PTPRD: variants seen among roughly 807,000 people sequenced by gnomAD.
The protein encoded by PTPRD is receptor-type tyrosine-protein phosphatase delta.
Under a neutral mutation model 214.5 loss-of-function variants are expected in PTPRD, and 34 were observed. That is an observed-to-expected ratio of 0.16 (90% confidence interval 0.12 to 0.21). The LOEUF (loss-of-function observed/expected upper bound fraction) is 0.21. Among genes scored for constraint, PTPRD ranks in the 10% least tolerant of loss-of-function variants. The pLI is 1.00. For missense variants in PTPRD, 2,545 were observed against 2,398.7 expected (o/e 1.06, Z -1.27); for synonymous variants, 1,128 against 845.7 (o/e 1.33, Z -5.79).
At chr9:9,945,032 G>A (rs899332871) in intron 4 of PTPRD, among the ~76,000 whole-genome samples, 2 of 152,120 alleles carry the variant, frequency 1.3e-5, no homozygotes, top group African/African-American at 2.4e-5. Context: ...GGATTTGTCT[G>A]AAGGTAAAAA....
rs747843058 is a variant in PTPRD, at chr9:8,531,887, T to C, written c.353-3108A>G. ...AGAAATATAGTCCTCACCTTGGGGA[T>C]AGCCGACAAAATTGACTTGTACCTT... On this transcript the variant is annotated intron_variant, in intron 14 of 45. Coordinates refer to ENST00000381196, the MANE Select transcript of PTPRD (RefSeq NM_002839.4). 9.9e-5 allele frequency among the ~76,000 whole-genome samples: 15 copies of C among 152,228 alleles called. No homozygotes were observed. In the East Asian group the frequency reaches 1.5e-3, roughly 16 times the overall value.
At chr9:8,727,699 C>T (rs545149604) in intron 12 of PTPRD, among the ~76,000 whole-genome samples, 78 of 152,182 alleles carry the variant, frequency 5.1e-4, no homozygotes, top group African/African-American at 1.7e-3. Context: ...CTCTGTCACA[C>T]GGCTGCAGTG....
chr9:8,852,000 A>T lies in PTPRD; in HGVS notation c.-103-118054T>A, dbSNP rs187785348. Among the ~76,000 whole-genome samples, 446 of 152,228 alleles carry T rather than the reference A, an allele frequency of 2.9e-3. 3 individuals are homozygous for T. Among genetic ancestry groups the T allele is most frequent in the African/African-American group, 0.01 (417 of 41,532 alleles). Reference sequence around the variant, plus strand: ...AACAATAACTGATATCCAACCATTTATGAAATCATTACTAATACAACCCTT... The same window carrying T: ...AACAATAACTGATATCCAACCATTTTTGAAATCATTACTAATACAACCCTT... On this transcript the variant is annotated intron_variant, in intron 11 of 45. Transcript: ENST00000381196.
chr9:8,557,431 A>AATATATATATATATAT (rs1281715374), intron 14 of PTPRD, among the ~76,000 whole-genome samples: 1 of 111,750 alleles, frequency 8.9e-6, no homozygotes, highest in African/African-American at 7.7e-5. Context: ...TTCATTTGTA[A>AATATATATATATATAT]ATACATATAT....
chr9:9,887,764 G>C (rs1037659254), intron 5 of PTPRD, among the ~76,000 whole-genome samples: 1 of 152,098 alleles, frequency 6.6e-6, no homozygotes, highest in South Asian at 2.1e-4. Context: ...GGAGTAGAAA[G>C]TTTTACTAGT....
At chr9:10,195,631 C>T (rs1033862496) in intron 3 of PTPRD, among the ~76,000 whole-genome samples, 6 of 152,106 alleles carry the variant, frequency 3.9e-5, no homozygotes, top group Non-Finnish European at 8.8e-5. Context: ...ATCCCTCTGT[C>T]ATCCAACCAT....
chr9:8,524,399 T>C (rs369177433), intron 18 of PTPRD, among the ~76,000 whole-genome samples: 6 of 152,172 alleles, frequency 3.9e-5, no homozygotes, highest in African/African-American at 1.2e-4. Context: ...ATTAAGAAAG[T>C]ATACGAAGAC....
At chr9:8,598,748 A>G (rs985709780) in intron 14 of PTPRD, among the ~76,000 whole-genome samples, 3 of 152,180 alleles carry the variant, frequency 2.0e-5, no homozygotes, top group African/African-American at 7.2e-5. Context: ...AGCCATTTGT[A>G]AAGGAAACCA....
chr9:10,172,680 C>T (rs1331605184), intron 3 of PTPRD, among the ~76,000 whole-genome samples: 1 of 152,160 alleles, frequency 6.6e-6, no homozygotes, highest in African/African-American at 2.4e-5. Context: ...GTGGCTATGA[C>T]AGAAGTTGGG....
chr9:9,011,725 G>A (rs912008514), intron 11 of PTPRD, among the ~76,000 whole-genome samples: 3 of 152,134 alleles, frequency 2.0e-5, no homozygotes, highest in Non-Finnish European at 4.4e-5. Flanking sequence ...TTTCCTTAGT[G>A]AGAACAAATT....
At chr9:8,808,987 C>A (rs961275889) in intron 11 of PTPRD, among the ~76,000 whole-genome samples, 1 of 152,080 alleles carries the variant, frequency 6.6e-6, no homozygotes, top group Admixed American at 6.6e-5. Flanking sequence ...AAAAAAGTAG[C>A]CACTATTCAT....
rs987912317 is a variant in PTPRD, at chr9:8,840,858, T to C, written c.-103-106912A>G. On this transcript the variant is annotated intron_variant, in intron 11 of 45. Coordinates refer to ENST00000381196, the MANE Select transcript of PTPRD (RefSeq NM_002839.4). ...CAATTCTATCAATTAACTACAATAC[T>C]GTACTGGCTCTGGTACTGCATCTTC... is the stretch of plus-strand genomic sequence containing the variant. Among the ~76,000 whole-genome samples, 10 of 152,310 alleles carry C rather than the reference T, an allele frequency of 6.6e-5. No homozygotes were observed. In the East Asian group the frequency reaches 1.7e-3, roughly 26 times the overall value.
intron 3 of PTPRD, among the ~76,000 whole-genome samples, chr9:10,296,854 C>A (rs1413946980): frequency 1.3e-5 from 2 of 151,850 alleles, no homozygotes; most frequent in African/African-American, 4.8e-5. Context: ...TAGATTGTTT[C>A]TTTTTTCTTA....
chr9:10,019,334 G>A (rs554912508), intron 4 of PTPRD, among the ~76,000 whole-genome samples: 2 of 152,174 alleles, frequency 1.3e-5, no homozygotes, highest in Non-Finnish European at 2.9e-5. Flanking sequence ...TGGTGGGACT[G>A]TAAACTAGTT....
At chr9:8,838,307 G>C (rs889937900) in intron 11 of PTPRD, among the ~76,000 whole-genome samples, 1 of 150,770 alleles carries the variant, frequency 6.6e-6, no homozygotes, top group African/African-American at 2.4e-5. Context: ...TGCATCGTTT[G>C]GGGATAAGGA....
chr9:8,570,791 T>G (rs1427256027), intron 14 of PTPRD, among the ~76,000 whole-genome samples: 2 of 152,044 alleles, frequency 1.3e-5, no homozygotes, highest in Non-Finnish European at 2.9e-5. Context: ...GGTAATGCTA[T>G]TCCTCTTTGT....
chr9:9,973,301 CAAAAAAAAA>C (rs747369676), intron 4 of PTPRD, among the ~76,000 whole-genome samples: 1 of 74,200 alleles, frequency 1.3e-5, no homozygotes, highest in African/African-American at 4.4e-5. Flanking sequence ...CCTTGTCTTT[CAAAAAAAAA>C]AAAAAAAAAA....
At chr9:9,357,628 A>C (rs1596320979) in intron 9 of PTPRD, among the ~76,000 whole-genome samples, 1 of 151,230 alleles carries the variant, frequency 6.6e-6, no homozygotes, top group South Asian at 2.1e-4. Flanking sequence ...GAAAGAAGCA[A>C]AGTGATTAAA....
At chr9:9,465,759 T>A (rs893904009) in intron 8 of PTPRD, among the ~76,000 whole-genome samples, 5 of 152,174 alleles carry the variant, frequency 3.3e-5, no homozygotes, top group African/African-American at 1.2e-4. Flanking sequence ...TTCTTGCTGG[T>A]GACAGTATTG....
Sources: allele counts gnomAD v4.1 joint callset (sites outside exome capture counted in the v4.1 genomes callset), GRCh38; gene constraint gnomAD v4.1.1; transcripts MANE v1.5; gene names NCBI Gene and HGNC (gene_info 2026-07-23, HGNC 2026-07-21).